SLC23A2: variants seen among roughly 807,000 people sequenced by gnomAD.
SLC23A2 encodes the protein Na(+)/L-ascorbic acid transporter 2.
A neutral mutation model predicts 73.3 loss-of-function variants in SLC23A2; 36 were observed. The ratio of observed to expected loss-of-function variants is 0.49; its 90% CI spans 0.38 to 0.65. SLC23A2 has a LOEUF of 0.65. Among genes scored for constraint, SLC23A2 ranks in the 30% least tolerant of loss-of-function variants. SLC23A2 has a pLI of 0.00. For synonymous variants in SLC23A2, 343 were observed against 327.3 expected (o/e 1.05, Z -0.52); for missense variants, 507 against 841.6 (o/e 0.60, Z 4.92).
At chr20:5,002,532 T>C (rs1273003696), upstream of SLC23A2, among the ~76,000 whole-genome samples, 2 of 152,250 alleles carry the variant, frequency 1.3e-5, no homozygotes, top group Non-Finnish European at 2.9e-5. Context: ...GGTGTCTGTC[T>C]GACCTCACAT....
Position 4,950,948 on chromosome 20 carries a change from C to G in SLC23A2, c.-154-18232G>C, listed in dbSNP as rs6107557. 1.8e-3 allele frequency among the ~76,000 whole-genome samples: 272 copies of G among 152,272 alleles called. 4 individuals carry two copies. The South Asian group carries it at 0.022, about 12-fold the overall frequency. On this transcript the variant is annotated intron_variant, in intron 2 of 16. Transcript: ENST00000338244. ...GACACCACCTGACCAGAAGTGACAC[C>G]TTAGCAGAAACTGGGGAGAAGGTTG...
chr20:4,908,182 A>G (rs1350447091), intron 4 of SLC23A2, among the ~76,000 whole-genome samples: 2 of 152,264 alleles, frequency 1.3e-5, no homozygotes, highest in Non-Finnish European at 2.9e-5. Context: ...AATTCCTGAG[A>G]TAATAGCAGC....
intron 6 of SLC23A2, among the ~76,000 whole-genome samples, chr20:4,891,935 G>T (rs2122848349): frequency 6.6e-6 from 1 of 151,854 alleles, no homozygotes; most frequent in Non-Finnish European, 1.5e-5. Flanking sequence ...TTATGTTTTT[G>T]TAGAGACAAG....
In SLC23A2 at chr20:4,863,759, C is replaced by T. The variant is rs1324725042; in HGVS notation, c.1357-852G>A. Among the ~76,000 whole-genome samples, 4 of 152,186 alleles carry T rather than the reference C, an allele frequency of 2.6e-5. No homozygotes were observed. The highest frequency in any genetic ancestry group is 3.9e-4 in the East Asian group (2 of 5,182). ...GCAGGCCTGGGCCTGTCTACCTGGA[C>T]ACCCTTCCCTGTGGTTCCCTCCTAG... is the stretch of plus-strand genomic sequence containing the variant. On this transcript the variant is annotated intron_variant, in intron 13 of 16. Transcript: ENST00000338244. The surrounding 1 kb of genome is among the most constrained non-coding windows in gnomAD (Gnocchi z 4.8).
At chr20:4,921,602 C>CAAAA (rs1258373626) in intron 3 of SLC23A2, among the ~76,000 whole-genome samples, 2 of 86,772 alleles carry the variant, frequency 2.3e-5, no homozygotes, top group South Asian at 6.9e-4. Context: ...CAATCACAAC[C>CAAAA]AAAAAAAAAA....
At chr20:4,908,852 T>G (rs1932047433) in intron 4 of SLC23A2, among the ~76,000 whole-genome samples, 1 of 152,176 alleles carries the variant, frequency 6.6e-6, no homozygotes, top group Non-Finnish European at 1.5e-5. Flanking sequence ...GAGAATTGCT[T>G]GAAACTGGGG....
chr20:4,990,971 C>CAAAA lies in SLC23A2; in HGVS notation c.-282+10431_-282+10434dup, dbSNP rs1198847840. ...GGGCAACAAGAGCAAAACTCCATCTCAAAAAAAAAAAAAAAAAAAACAACC... is the reference window on the plus strand; with the variant it reads ...GGGCAACAAGAGCAAAACTCCATCTCAAAAAAAAAAAAAAAAAAAAAAAACAACC... On this transcript the variant is annotated intron_variant, in intron 1 of 16. Transcript: ENST00000338244. Among the ~76,000 whole-genome samples, 46 of 56,750 alleles carry CAAAA rather than the reference C, an allele frequency of 8.1e-4. 1 individual carries two copies. Among genetic ancestry groups the CAAAA allele is most frequent in the African/African-American group, 1.9e-3 (36 of 18,838 alleles). The allele number at this position is 56,750 out of a possible 152,430, so 37.2% of individuals were successfully genotyped here. A position where few individuals can be genotyped will look rare whatever the true frequency, so the allele number is the denominator to read the frequency against.
chr20:4,890,965 G>A (rs1321710291), intron 6 of SLC23A2, among the ~76,000 whole-genome samples: 1 of 152,200 alleles, frequency 6.6e-6, no homozygotes, highest in Non-Finnish European at 1.5e-5. Context: ...GAGGATGGGG[G>A]TAGCAGAGGC....
intron 9 of SLC23A2, among the ~76,000 whole-genome samples, chr20:4,879,433 A>AAAAAAAAAAAAAAAAAAAC (rs375166675): frequency 6.8e-6 from 1 of 147,702 alleles, no homozygotes. Flanking sequence ...AAAAAAAAAA[A>AAAAAAAAAAAAAAAAAAAC]TCCTCCTATT....
At chr20:4,905,714 G>A (rs1931923644) in intron 4 of SLC23A2, among the ~76,000 whole-genome samples, 1 of 152,098 alleles carries the variant, frequency 6.6e-6, no homozygotes, top group South Asian at 2.1e-4. Flanking sequence ...CTTTCTCTAG[G>A]AAATCATTTC....
intron 3 of SLC23A2, among the ~76,000 whole-genome samples, chr20:4,921,277 C>T (rs1322594152): frequency 1.3e-5 from 2 of 152,184 alleles, no homozygotes; most frequent in Non-Finnish European, 2.9e-5. Context: ...CACTCAAATA[C>T]TTGTCTTAAA....
chr20:4,913,015 G>A (rs1276988167), intron 3 of SLC23A2, 37 bp from the exon 4 acceptor site: 3 of 1,397,812 alleles, frequency 2.1e-6, no homozygotes, highest in Non-Finnish European at 3.0e-6. Context: ...GTTTCAGCGT[G>A]AACCACATTT....
chr20:4,912,973 C>A lies in SLC23A2; in HGVS notation c.114G>T (p.Val38=). 1.2e-6 allele frequency: 2 copies of A among 1,606,712 alleles called. No homozygotes were observed. Among genetic ancestry groups the A allele is most frequent in the Non-Finnish European group, 1.7e-6 (2 of 1,173,982 alleles). ...CGCTGGAGGTGGCGCCTCCATTTAT[C>A]ACCACCTGCAGAGACAATCCACTTA... ...KHPAFFTLPV[V]INGGATSSGE... is the part of the protein sequence containing the mutation. Residue 38 remains valine, a synonymous_variant, in exon 4 of 17, where the codon GTG becomes GTT. Transcript: ENST00000338244.
chr20:4,975,527 C>T (rs569967616), intron 1 of SLC23A2, among the ~76,000 whole-genome samples: 4 of 151,700 alleles, frequency 2.6e-5, no homozygotes, highest in East Asian at 2.0e-4. Context: ...ATTACGTGCA[C>T]GCACCACCAC....
At position 4,983,352 on chromosome 20, in the gene SLC23A2, A is replaced by G. The variant is rs572144569; in HGVS notation, c.-281-12433T>C. Among the ~76,000 whole-genome samples, 270 of 152,290 alleles carry G rather than the reference A, an allele frequency of 1.8e-3. 2 individuals are homozygous for G. Among genetic ancestry groups the G allele is most frequent in the Non-Finnish European group, 2.0e-3 (133 of 68,020 alleles). ...AAAAATTAAAACTTTCTTAACTGCAAAAGACACAAGCAGGCTGGGCGCAGT... is the reference window on the plus strand; with the variant it reads ...AAAAATTAAAACTTTCTTAACTGCAGAAGACACAAGCAGGCTGGGCGCAGT... On this transcript the variant is annotated intron_variant, in intron 1 of 16. Transcript: ENST00000338244.
At chr20:4,867,709 C>T (rs1484897910) in intron 13 of SLC23A2, 61 bp downstream of exon 13, 9 of 934,004 alleles carry the variant, frequency 9.6e-6, no homozygotes, top group African/African-American at 5.1e-5. Flanking sequence ...GTGGCCAGAT[C>T]GATCAATGAA....
chr20:4,895,815 C>A lies in SLC23A2; in HGVS notation c.482+3740G>T, dbSNP rs147979411. ...TGAGCACCCCTAGAACAGATGCTGT[C>A]CTGAGTGAGATCTGGGTGTCCAAGT... On this transcript the variant is annotated intron_variant, in intron 6 of 16. Transcript: ENST00000338244. Among the ~76,000 whole-genome samples the A allele has an allele frequency of 5.9e-3, 906 of 152,298 alleles. 2 individuals are homozygous for A. The highest frequency in any genetic ancestry group is 0.017 in the South Asian group (80 of 4,826).
At chr20:4,971,640 A>G (rs1044572802) in intron 1 of SLC23A2, among the ~76,000 whole-genome samples, 21 of 149,106 alleles carry the variant, frequency 1.4e-4, no homozygotes, top group Non-Finnish European at 2.8e-4. Flanking sequence ...AAAAAAAATT[A>G]TCTCGTCGTG....
At chr20:4,861,854 G>T in intron 15 of SLC23A2, 94 bp downstream of exon 15, 1 of 1,288,768 alleles carries the variant, frequency 7.8e-7, no homozygotes, top group Non-Finnish European at 1.1e-6. Context: ...AGCTCCTGGA[G>T]GCCCAAAGTC....
Sources: allele counts gnomAD v4.1 joint callset (sites outside exome capture counted in the v4.1 genomes callset), GRCh38; gene constraint gnomAD v4.1.1; non-coding constraint Gnocchi (gnomAD v3.1); transcripts MANE v1.5; gene names NCBI Gene and HGNC (gene_info 2026-07-23, HGNC 2026-07-21).